The following NCF4 variants were observed in gnomAD, a reference collection of about 807,000 sequenced individuals.
NCF4 encodes neutrophil cytosolic factor 4, also known as neutrophil cytosol factor 4.
In NCF4, 30 loss-of-function variants were observed where a neutral mutation model predicts 41.7. The observed-to-expected ratio is 0.72, with a 90% CI of 0.54 to 0.97. NCF4 has a LOEUF of 0.97. NCF4 is among the 50% of genes least tolerant of loss of function. The pLI, the probability that NCF4 is intolerant of heterozygous loss-of-function variation, is 0.00. For synonymous variants in NCF4, 195 were observed against 175.8 expected (o/e 1.11, Z -0.87); for missense variants, 432 against 460.9 (o/e 0.94, Z 0.57).
intron 2 of NCF4, 77 bp from the exon 3 acceptor site, chr22:36,864,842 T>C (rs1215510612): frequency 1.3e-6 from 2 of 1,563,296 alleles, no homozygotes; most frequent in African/African-American, 1.4e-5. Context: ...CTCCTCCTCC[T>C]CCCCTTTTCC....
Position 36,865,761 on chromosome 22 carries a change from C to T in NCF4, c.271+689C>T, listed in dbSNP as rs958711562. Among the ~76,000 whole-genome samples, 6 of 152,294 alleles carry T rather than the reference C, an allele frequency of 3.9e-5. No individual in the cohort carries two copies. The highest frequency in any genetic ancestry group is 5.9e-5 in the Non-Finnish European group (4 of 68,010). ...GTTAGAGACAGGGACAATTGTCTCC[C>T]TTCCCCAAGCCTCAGGGACCCTTCC... On this transcript the variant is annotated intron_variant, in intron 3 of 9. Transcript: ENST00000248899. This position sits in a 1 kb window ranked among gnomAD's most constrained non-coding sequence, Gnocchi z 4.3.
At chr22:36,862,227 C>A (rs1454743473) in intron 1 of NCF4, among the ~76,000 whole-genome samples, 2 of 152,232 alleles carry the variant, frequency 1.3e-5, no homozygotes, top group South Asian at 2.1e-4. Context: ...AGAGACAGGC[C>A]AGGCTGGTGT....
intron 4 of NCF4, among the ~76,000 whole-genome samples, chr22:36,868,266 T>C (rs187358502): frequency 4.6e-5 from 7 of 152,310 alleles, no homozygotes; most frequent in African/African-American, 1.7e-4. Context: ...TGGGCTAGGA[T>C]CCTTTAGTCT....
chr22:36,873,387 G>T (rs2145723323), intron 7 of NCF4, among the ~76,000 whole-genome samples: 1 of 151,406 alleles, frequency 6.6e-6, no homozygotes, highest in Admixed American at 6.6e-5. Flanking sequence ...ATGGAGGTGA[G>T]AATGCAGGTA....
intron 9 of NCF4, among the ~76,000 whole-genome samples, chr22:36,877,143 C>CT (rs796935697): frequency 0.021 from 3,080 of 147,210 alleles, 107 homozygotes; most frequent in African/African-American, 0.07. Context: ...TCTCCTTCTC[C>CT]TTTTTTTTTT....
chr22:36,866,894 T>G (rs1939939416), intron 3 of NCF4, among the ~76,000 whole-genome samples: 1 of 152,194 alleles, frequency 6.6e-6, no homozygotes, highest in Non-Finnish European at 1.5e-5. Flanking sequence ...TTTGGTGGTA[T>G]GTGGACGTGC....
intron 7 of NCF4, 49 bp from the exon 8 acceptor site, chr22:36,875,604 C>T: frequency 6.4e-7 from 1 of 1,561,698 alleles, no homozygotes; most frequent in East Asian, 2.2e-5. Context: ...AGGCGTGGCT[C>T]TGCTGCCTCT....
rs554387451 is a variant in NCF4 at position 36,877,690 on chromosome 22, G to T, written c.887G>T (p.Arg296Leu). 9.9e-6 allele frequency: 16 copies of T among 1,614,046 alleles called. No homozygotes were observed. Among genetic ancestry groups the T allele is most frequent in the Middle Eastern group, 1.6e-4 (1 of 6,084 alleles). ...CGGGACGCTGAGGGGGATCTGGTTC[G>T]GCTGCTGTCGGATGAGGACGTAGCG... Reference protein sequence around the residue: ...NYRDAEGDLVRLLSDEDVALM... With the variant: ...NYRDAEGDLVLLLSDEDVALM... Residue 296 changes from arginine to leucine, a missense_variant, in exon 10 of 10, where the codon CGG (arginine) becomes CTG (leucine). By Grantham distance (102) the Arg-to-Leu change is moderately radical. Coordinates refer to ENST00000248899, the MANE Select transcript of NCF4 (RefSeq NM_000631.5).
intron 7 of NCF4, among the ~76,000 whole-genome samples, chr22:36,874,048 G>A (rs4821549): frequency 0.067 from 10,167 of 152,262 alleles, 415 homozygotes; most frequent in Admixed American, 0.14. Flanking sequence ...TTTCTTCATC[G>A]GCTTCCTGGA....
At chr22:36,876,166 C>A in intron 9 of NCF4, 72 bp downstream of exon 9, 5 of 1,408,000 alleles carry the variant, frequency 3.6e-6, no homozygotes, top group Non-Finnish European at 4.8e-6. Context: ...ATGTTAAGCA[C>A]TAGTATTAAG....
At chr22:36,874,639 G>A (rs921470971) in intron 7 of NCF4, among the ~76,000 whole-genome samples, 1 of 152,182 alleles carries the variant, frequency 6.6e-6, no homozygotes, top group African/African-American at 2.4e-5. Flanking sequence ...GGTTGAAGGT[G>A]GGGGCAGAGG....
intron 4 of NCF4, among the ~76,000 whole-genome samples, chr22:36,867,854 G>T (rs1939965129): frequency 2.0e-5 from 3 of 152,350 alleles, no homozygotes; most frequent in African/African-American, 7.2e-5. Context: ...ACATATGTGT[G>T]CCTCCATCAT....
In NCF4 at chr22:36,870,516, C is replaced by T. The variant is rs1940029777; in HGVS notation, c.444C>T (p.Arg148=). ...CAGAGCAGGTGCCCCAGGCACTCCG[C>T]CGGCTCCGCCCGCGCACCCGGAAAG... ...YDSEQVPQAL[R]RLRPRTRKVK... is the part of the protein sequence containing the mutation. The change falls in exon 5 of 10, where the codon CGC becomes CGT. Residue 148 remains arginine, a synonymous_variant. Coordinates refer to ENST00000248899, the MANE Select transcript of NCF4 (RefSeq NM_000631.5). 6.2e-7 allele frequency: 1 copy of T among 1,613,086 alleles called. No individual in the cohort carries two copies. Among genetic ancestry groups the T allele is most frequent in the African/African-American group, 1.3e-5 (1 of 74,930 alleles).
At chr22:36,877,533 C>T in intron 9 of NCF4, 95 bp from the exon 10 acceptor site, 1 of 1,319,006 alleles carries the variant, frequency 7.6e-7, no homozygotes, top group Non-Finnish European at 1.1e-6. Context: ...CTTTTTCTTA[C>T]TCCTGGCTTC....
At chr22:36,872,706 ATTGGAGGTGAGG>A (rs1940095233) in intron 7 of NCF4, among the ~76,000 whole-genome samples, 2 of 49,090 alleles carry the variant, frequency 4.1e-5, no homozygotes, top group Admixed American at 2.2e-4. Context: ...TGGAGGTGAG[ATTGGAGGTGAGG>A]TTGGAGGTGA....
intron 7 of NCF4, among the ~76,000 whole-genome samples, chr22:36,872,689 G>A (rs1413021169): frequency 9.3e-5 from 8 of 86,414 alleles, no homozygotes; most frequent in African/African-American, 2.9e-4. Context: ...GAGATTGGAG[G>A]TAAGGTTGGA....
chr22:36,872,154 G>A, intron 6 of NCF4, 173 bp from the exon 7 acceptor site: 1 of 722,018 alleles, frequency 1.4e-6, no homozygotes, highest in South Asian at 1.5e-5. Context: ...GGAGACCTGG[G>A]TTCAATTCCC....
At chr22:36,867,110 C>CGTGTGTGTGTGTGTGT (rs3221695) in intron 3 of NCF4, among the ~76,000 whole-genome samples, 7 of 143,762 alleles carry the variant, frequency 4.9e-5, no homozygotes, top group Admixed American at 2.1e-4. Context: ...AACTAAGAGT[C>CGTGTGTGTGTGTGTGT]GTGTGTGTGT....
intron 5 of NCF4, 121 bp from the exon 6 acceptor site, chr22:36,871,531 C>T: frequency 8.9e-7 from 1 of 1,119,758 alleles, no homozygotes; most frequent in Non-Finnish European, 1.3e-6. Context: ...AGCCACATTT[C>T]AGCATCTTCT....
Sources: allele counts gnomAD v4.1 joint callset (sites outside exome capture counted in the v4.1 genomes callset), GRCh38; gene constraint gnomAD v4.1.1; non-coding constraint Gnocchi (gnomAD v3.1); transcripts MANE v1.5; gene names NCBI Gene and HGNC (gene_info 2026-07-23, HGNC 2026-07-21).